The following GPLD1 variants were observed in gnomAD, a reference collection of about 807,000 sequenced individuals.
GPLD1 encodes the protein phosphatidylinositol-glycan-specific phospholipase D.
A neutral mutation model predicts 112.6 loss-of-function variants in GPLD1; 84 were observed. That is an observed-to-expected ratio of 0.75 (90% CI 0.63 to 0.89). The LOEUF is 0.89. GPLD1 is among the 40% of genes least tolerant of loss of function. The pLI is 0.00. For missense variants in GPLD1, 1,044 were observed against 1,051.5 expected (o/e 0.99, Z 0.10); for synonymous variants, 386 against 403.8 (o/e 0.96, Z 0.53).
intron 12 of GPLD1, among the ~76,000 whole-genome samples, chr6:24,457,827 C>T (rs997089846): frequency 1.3e-5 from 2 of 151,404 alleles, no homozygotes; most frequent in East Asian, 1.9e-4. Context: ...GAGCTGAGAT[C>T]GTGCCGCTGC....
intron 3 of GPLD1, among the ~76,000 whole-genome samples, chr6:24,479,147 C>T (rs1764117097): frequency 6.6e-6 from 1 of 152,092 alleles, no homozygotes; most frequent in South Asian, 2.1e-4. Context: ...AACCTCCCCT[C>T]CAGCCAGAGA....
chr6:24,493,091 A>G (rs1764597261), upstream of GPLD1, among the ~76,000 whole-genome samples: 1 of 152,142 alleles, frequency 6.6e-6, no homozygotes, highest in Non-Finnish European at 1.5e-5. Context: ...ATAGAACCTT[A>G]AAAAGGTAAG....
chr6:24,438,171 C>T (rs1025465860), intron 20 of GPLD1, among the ~76,000 whole-genome samples: 3 of 152,202 alleles, frequency 2.0e-5, no homozygotes, highest in African/African-American at 4.8e-5. Context: ...CTGCATCAGG[C>T]GCCCATTCCA....
Position 24,495,101 on chromosome 6 carries a change from C to T in GPLD1, n.105G>A. 7.6e-7 allele frequency: 1 copy of T among 1,315,092 alleles called. No homozygotes were observed. Among genetic ancestry groups the T allele is most frequent in the Non-Finnish European group, 9.6e-7 (1 of 1,039,496 alleles). 81.5% of individuals were successfully genotyped at this position (1,315,092 alleles called of 1,614,324 possible). Reference sequence around the variant, plus strand: ...GCGCCGGCGGCCTGGTCCCTGCCTCCGGGCCTGCGCCCGGCCCGGCCCAGC... The same window carrying T: ...GCGCCGGCGGCCTGGTCCCTGCCTCTGGGCCTGCGCCCGGCCCGGCCCAGC... On this transcript the variant is annotated non_coding_transcript_exon_variant, in exon 1 of 11. Transcript: ENST00000474784.
Position 24,456,522 on chromosome 6 carries a change from G to A in GPLD1, c.1124C>T (p.Ser375Leu), listed in dbSNP as rs533047391. 6.2e-7 allele frequency: 1 copy of A among 1,609,926 alleles called. No homozygotes were observed. Among genetic ancestry groups the A allele is most frequent in the African/African-American group, 1.3e-5 (1 of 74,942 alleles). ...CCAGCCAAGCCTCGCATAAGGAAATGACAAGAAGTAAGATGCTAAGGGGCT... is the reference window on the plus strand; with the variant it reads ...CCAGCCAAGCCTCGCATAAGGAAATAACAAGAAGTAAGATGCTAAGGGGCT... ...VSSPLASYFL[S>L]FPYARLGWAM... The change falls in exon 13 of 25, where the codon TCA becomes TTA. Residue 375 changes from serine (S) to leucine (L), a missense_variant. Coordinates refer to ENST00000230036, the MANE Select transcript of GPLD1 (RefSeq NM_001503.4).
rs1762254542 is a variant in GPLD1, at chr6:24,426,882, G to GC, written c.*2149dup. Among the ~76,000 whole-genome samples the GC allele has an allele frequency of 6.6e-6, 1 of 152,188 alleles. No homozygotes were observed. The highest frequency in any genetic ancestry group is 1.5e-5 in the Non-Finnish European group (1 of 68,026). ...TTGCTGTGCCATAGGTTACTATGCA[G>GC]CTAGCACATGTACCTCTTCCAGAAA... On this transcript the variant is annotated 3_prime_UTR_variant, in exon 25 of 25. Coordinates refer to ENST00000230036, the MANE Select transcript of GPLD1 (RefSeq NM_001503.4).
At chr6:24,490,918 T>G (rs1764540569), upstream of GPLD1, among the ~76,000 whole-genome samples, 2 of 152,200 alleles carry the variant, frequency 1.3e-5, no homozygotes, top group South Asian at 4.1e-4. Flanking sequence ...TACTCCTGAT[T>G]AGTCCAGAGG....
chr6:24,436,506 A>G, intron 22 of GPLD1, 70 bp downstream of exon 22: 4 of 1,327,970 alleles, frequency 3.0e-6, no homozygotes, highest in Non-Finnish European at 4.3e-6. Flanking sequence ...TATAGTGGAC[A>G]TGAGTTAACA....
At position 24,445,304 on chromosome 6, in the gene GPLD1, G is replaced by C. The variant is rs570258297; in HGVS notation, c.2020+242C>G. 1.5e-3 allele frequency among the ~76,000 whole-genome samples: 224 copies of C among 152,272 alleles called. 1 individual carries two copies. Among genetic ancestry groups the C allele is most frequent in the African/African-American group, 5.3e-3 (221 of 41,558 alleles). ...GGCCTCCCAAAGTGCTGGGATTACA[G>C]GTGTGAGCCACCGCACCCGGCCTGA... is the stretch of plus-strand genomic sequence containing the variant. On this transcript the variant is annotated intron_variant, in intron 20 of 24. Coordinates refer to ENST00000230036, the MANE Select transcript of GPLD1 (RefSeq NM_001503.4).
At chr6:24,461,283 C>A in intron 11 of GPLD1, among the ~76,000 whole-genome samples, 1 of 150,280 alleles carries the variant, frequency 6.7e-6, no homozygotes, top group Non-Finnish European at 1.5e-5. Flanking sequence ...AAAAGGTGCT[C>A]AATGTGATTA....
upstream of GPLD1, among the ~76,000 whole-genome samples, chr6:24,489,895 A>G (rs1249931640): frequency 6.6e-6 from 1 of 152,222 alleles, no homozygotes; most frequent in South Asian, 2.1e-4. Flanking sequence ...AAAAAGGCTC[A>G]CCTGTGCAGA....
At chr6:24,453,902 CTGTT>C (rs2127342549) in intron 14 of GPLD1, 109 bp downstream of exon 14, 5 of 696,476 alleles carry the variant, frequency 7.2e-6, no homozygotes, top group East Asian at 2.6e-5. Flanking sequence ...ACACCACCAG[CTGTT>C]TGTTACTGTA....
At chr6:24,450,626 A>G (rs1246490798) in intron 14 of GPLD1, among the ~76,000 whole-genome samples, 1 of 152,246 alleles carries the variant, frequency 6.6e-6, no homozygotes. Context: ...GGTAGCCCCT[A>G]GCCAAATAGG....
intron 7 of GPLD1, among the ~76,000 whole-genome samples, chr6:24,468,344 T>A (rs542909706): frequency 1.1e-4 from 16 of 152,232 alleles, no homozygotes; most frequent in African/African-American, 3.9e-4. Flanking sequence ...CTGAGACAAA[T>A]GTATATCTGA....
intron 22 of GPLD1, among the ~76,000 whole-genome samples, chr6:24,434,446 C>A (rs974527209): frequency 1.3e-5 from 2 of 151,506 alleles, no homozygotes; most frequent in Non-Finnish European, 2.9e-5. Flanking sequence ...AATAGGATCA[C>A]AATTGTTAAC....
chr6:24,448,043 A>G lies in GPLD1; in HGVS notation c.1522-10T>C. Reference sequence around the variant, plus strand: ...AGTTACAGTAGATGTCCTTAAGAAGAAACCAGGAAAGCACATTTTACCCAG... The same window carrying G: ...AGTTACAGTAGATGTCCTTAAGAAGGAACCAGGAAAGCACATTTTACCCAG... On this transcript the variant is annotated splice_polypyrimidine_tract_variant and intron_variant, in intron 16 of 24. Coordinates refer to ENST00000230036, the MANE Select transcript of GPLD1 (RefSeq NM_001503.4). 6.2e-7 allele frequency: 1 copy of G among 1,613,634 alleles called. No homozygotes were observed. The highest frequency in any genetic ancestry group is 1.1e-5 in the South Asian group (1 of 91,042).
intron 2 of GPLD1, among the ~76,000 whole-genome samples, chr6:24,485,671 TC>T (rs2127371681): frequency 7.3e-6 from 1 of 137,178 alleles, no homozygotes; most frequent in East Asian, 2.0e-4. Flanking sequence ...AAATAATGAG[TC>T]TCTTTTTTTT....
intron 21 of GPLD1, 72 bp downstream of exon 21, chr6:24,437,041 G>A (rs768114436): frequency 8.1e-6 from 11 of 1,350,320 alleles, no homozygotes; most frequent in Non-Finnish European, 1.2e-5. Flanking sequence ...GAGCCCAGAT[G>A]ACCCAATTAG....
intron 10 of GPLD1, among the ~76,000 whole-genome samples, chr6:24,464,689 C>T (rs984900963): frequency 2.0e-5 from 3 of 152,208 alleles, no homozygotes; most frequent in Non-Finnish European, 4.4e-5. Flanking sequence ...GAACAGCTAA[C>T]TCTGCTATGA....
Sources: allele counts gnomAD v4.1 joint callset (sites outside exome capture counted in the v4.1 genomes callset), GRCh38; gene constraint gnomAD v4.1.1; transcripts MANE v1.5; gene names NCBI Gene and HGNC (gene_info 2026-07-23, HGNC 2026-07-21).